The following CFAP251 variants were observed in gnomAD, a reference collection of about 807,000 sequenced individuals.
The protein encoded by CFAP251 is cilia and flagella associated protein 251, also known as cilia- and flagella-associated protein 251.
In CFAP251, 93 loss-of-function variants were observed where a neutral mutation model predicts 126.7. That is an observed-to-expected ratio of 0.73 (90% CI 0.62 to 0.87). The LOEUF (loss-of-function observed/expected upper bound fraction) is 0.87. Among genes scored for constraint, CFAP251 ranks in the 40% least tolerant of loss-of-function variants. The pLI is 0.00. For missense variants in CFAP251, 1,287 were observed against 1,389.2 expected, an observed-to-expected ratio of 0.93 and a Z score of 1.17; for synonymous variants, 503 against 506.9, an observed-to-expected ratio of 0.99 and a Z score of 0.10.
At chr12:121,943,526 G>A (rs1426060213) in intron 7 of CFAP251, among the ~76,000 whole-genome samples, 1 of 152,052 alleles carries the variant, frequency 6.6e-6, no homozygotes, top group African/African-American at 2.4e-5. Flanking sequence ...AGGTTCAAGC[G>A]ATTCTCCTGC....
intron 15 of CFAP251, among the ~76,000 whole-genome samples, chr12:121,964,618 C>A (rs935398943): frequency 6.6e-6 from 1 of 152,164 alleles, no homozygotes; most frequent in Non-Finnish European, 1.5e-5. Context: ...TGAAAGTGAA[C>A]AGTTCAGCCG....
At chr12:121,996,892 G>A (rs1389873491) in intron 19 of CFAP251, 2 of 152,058 alleles carry the variant, frequency 1.3e-5, no homozygotes, top group Non-Finnish European at 2.9e-5. Context: ...CCCACTGGAG[G>A]GTGTTTTTAA....
intron 10 of CFAP251, 27 bp downstream of exon 10, chr12:121,954,361 C>A (rs1174488961): frequency 5.8e-6 from 9 of 1,559,706 alleles, no homozygotes; most frequent in Non-Finnish European, 7.9e-6. Context: ...TAAAAGATAA[C>A]TATGGATAAT....
At chr12:121,929,875 A>G (rs1880608324) in intron 3 of CFAP251, among the ~76,000 whole-genome samples, 1 of 152,044 alleles carries the variant, frequency 6.6e-6, no homozygotes, top group Non-Finnish European at 1.5e-5. Context: ...ATGGGGTTTC[A>G]CCGTGTTGAC....
chr12:121,983,968 C>T (rs184342492), intron 19 of CFAP251, among the ~76,000 whole-genome samples: 33 of 152,308 alleles, frequency 2.2e-4, no homozygotes, highest in South Asian at 4.1e-4. Context: ...ACATTTCCTA[C>T]TGAGATGTAG....
chr12:121,952,043 A>G (rs1242500210), intron 9 of CFAP251, among the ~76,000 whole-genome samples: 2 of 151,864 alleles, frequency 1.3e-5, no homozygotes, highest in African/African-American at 2.4e-5. Flanking sequence ...TTATACAAAG[A>G]GTTATTGCTG....
At chr12:121,964,707 C>T (rs1882061620) in intron 15 of CFAP251, among the ~76,000 whole-genome samples, 1 of 151,628 alleles carries the variant, frequency 6.6e-6, no homozygotes, top group African/African-American at 2.4e-5. Flanking sequence ...CGAGACCAGC[C>T]TGGCCAACAT....
At chr12:121,983,254 G>A (rs529153679) in intron 19 of CFAP251, among the ~76,000 whole-genome samples, 2 of 151,534 alleles carry the variant, frequency 1.3e-5, no homozygotes, top group Non-Finnish European at 2.9e-5. Context: ...ATTAGTTGGG[G>A]ATAGTGGTGT....
chr12:121,992,540 G>T (rs1381168501), intron 19 of CFAP251: 2 of 932,120 alleles, frequency 2.1e-6, no homozygotes, highest in Admixed American at 6.2e-5. Flanking sequence ...ATATTACATT[G>T]GTAATTTATA....
chr12:121,921,227 T>G, intron 1 of CFAP251, 59 bp from the exon 2 acceptor site: 1 of 1,502,872 alleles, frequency 6.7e-7, no homozygotes, highest in Non-Finnish European at 8.9e-7. Context: ...GTTAGTGCAC[T>G]AGGAGATGGA....
At chr12:121,919,140 A>ATTTT (rs1330222567) in intron 1 of CFAP251, among the ~76,000 whole-genome samples, 19 of 65,590 alleles carry the variant, frequency 2.9e-4, no homozygotes, top group Non-Finnish European at 4.7e-4. Context: ...TATTATTATT[A>ATTTT]TTATTTTTTT....
chr12:121,958,080 G>A (rs1221492659), intron 11 of CFAP251, among the ~76,000 whole-genome samples, 192 bp from the exon 12 acceptor site: 1 of 152,208 alleles, frequency 6.6e-6, no homozygotes, highest in East Asian at 1.9e-4. Flanking sequence ...AATTTACATG[G>A]AGAAAAGTGG....
Position 121,975,541 on chromosome 12 carries a change from G to A in CFAP251, c.2863-1G>A, listed in dbSNP as rs1005373124. ...TGTGTTTCCGTTGTATTCCTACATA[G>A]GAGCTAGAAGACTACTTCTACTATT... On this transcript the variant is annotated splice_acceptor_variant, in intron 18 of 21. Transcript: ENST00000288912. LOFTEE classifies it high-confidence loss of function. 16 of 1,608,232 alleles carry A rather than the reference G, an allele frequency of 9.9e-6. No homozygotes were observed. Among genetic ancestry groups the A allele is most frequent in the Non-Finnish European group, 1.3e-5 (15 of 1,178,612 alleles).
intron 12 of CFAP251, 21 bp downstream of exon 12, chr12:121,958,543 TACC>T: frequency 1.2e-6 from 2 of 1,613,638 alleles, no homozygotes; most frequent in Non-Finnish European, 1.7e-6. Flanking sequence ...CTTATCAGCC[TACC>T]ATCGGTTCCA....
At chr12:121,992,285 A>G (rs1343997296) in intron 19 of CFAP251, 1 of 985,324 alleles carries the variant, frequency 1.0e-6, no homozygotes, top group African/African-American at 1.7e-5. Flanking sequence ...CTTTTCAACG[A>G]ACACTTGCGA....
At chr12:121,996,685 C>G (rs1220082138) in intron 19 of CFAP251, among the ~76,000 whole-genome samples, 1 of 152,050 alleles carries the variant, frequency 6.6e-6, no homozygotes, top group East Asian at 1.9e-4. Flanking sequence ...TTTTTTTAAG[C>G]TGCAAAGAAT....
chr12:121,992,197 C>G, intron 19 of CFAP251: 1 of 985,452 alleles, frequency 1.0e-6, no homozygotes, highest in Non-Finnish European at 1.2e-6. Context: ...GCGTTCAGAA[C>G]AAGCTCTGCG....
chr12:121,957,141 T>G lies in CFAP251; in HGVS notation c.1603T>G (p.Trp535Gly). 6.2e-7 allele frequency: 1 copy of G among 1,614,102 alleles called. No homozygotes were observed. Among genetic ancestry groups the G allele is most frequent in the Non-Finnish European group, 8.5e-7 (1 of 1,180,000 alleles). ...FYDHTLSIVN[W>G]YSHLKLGAIR... The stretch of plus-strand genomic sequence containing the variant: ...TGATCACACCCTGTCTATTGTTAAC[T>G]GGTACAGTCACTTGAAACTGGGCGC... The change falls in exon 11 of 22, where the codon TGG becomes GGG. Residue 535 changes from tryptophan (W) to glycine (G), a missense_variant. Transcript: ENST00000288912.
At chr12:121,944,529 C>T (rs915845647) in intron 7 of CFAP251, among the ~76,000 whole-genome samples, 6 of 152,064 alleles carry the variant, frequency 3.9e-5, no homozygotes, top group Non-Finnish European at 8.8e-5. Context: ...GATGCCTTGC[C>T]GTTTATTTAT....
Sources: allele counts gnomAD v4.1 joint callset (sites outside exome capture counted in the v4.1 genomes callset), GRCh38; gene constraint gnomAD v4.1.1; transcripts MANE v1.5; gene names NCBI Gene and HGNC (gene_info 2026-07-23, HGNC 2026-07-21).